LINC00237: variants seen among roughly 807,000 people sequenced by gnomAD.
LINC00237 encodes the protein long intergenic non-protein coding RNA 237.
chr20:21,103,897 G>T (rs370077746), intron 1 of LINC00237, among the ~76,000 whole-genome samples: 1 of 152,038 alleles, frequency 6.6e-6, no homozygotes, highest in East Asian at 1.9e-4. Context: ...TTTTCCTTTC[G>T]CAACTTTGGG....
intron 2 of LINC00237, among the ~76,000 whole-genome samples, chr20:21,089,324 AGTT>A (rs2030759576): frequency 6.6e-6 from 1 of 151,840 alleles, no homozygotes; most frequent in African/African-American, 2.4e-5. Context: ...GTTTCTCTCA[AGTT>A]GTGCTGATAT....
At chr20:21,089,464 G>T (rs146610121) in intron 2 of LINC00237, among the ~76,000 whole-genome samples, 4 of 152,058 alleles carry the variant, frequency 2.6e-5, no homozygotes, top group Admixed American at 2.0e-4. Context: ...AAAGCAAACC[G>T]ATGGTTATTC....
chr20:21,103,890 T>C (rs1300002916), intron 1 of LINC00237, among the ~76,000 whole-genome samples: 2 of 152,152 alleles, frequency 1.3e-5, no homozygotes, highest in Non-Finnish European at 2.9e-5. Context: ...TAACTGTTTT[T>C]CCTTTCGCAA....
At chr20:21,093,955 A>G (rs2030823484) in intron 1 of LINC00237, 1 of 152,238 alleles carries the variant, frequency 6.6e-6, no homozygotes, top group South Asian at 2.1e-4. Context: ...TCCAACAGGC[A>G]GTACTTGTAT....
At chr20:21,100,333 AAAT>A (rs2030914082) in intron 1 of LINC00237, among the ~76,000 whole-genome samples, 1 of 152,228 alleles carries the variant, frequency 6.6e-6, no homozygotes, top group South Asian at 2.1e-4. Context: ...CAGTAATGTC[AAAT>A]AAAACATTGG....
chr20:21,091,747 A>G (rs1488194557), intron 2 of LINC00237, among the ~76,000 whole-genome samples: 1 of 152,208 alleles, frequency 6.6e-6, no homozygotes, highest in African/African-American at 2.4e-5. Flanking sequence ...GTAGAGACAC[A>G]GATGCCAAGA....
intron 1 of LINC00237, among the ~76,000 whole-genome samples, chr20:21,105,593 T>A (rs2030988444): frequency 6.6e-6 from 1 of 152,178 alleles, no homozygotes; most frequent in Non-Finnish European, 1.5e-5. Flanking sequence ...GCGCTCACAC[T>A]TCTTCCAGGG....
chr20:21,094,041 A>G (rs1177750809), intron 1 of LINC00237, among the ~76,000 whole-genome samples: 1 of 152,190 alleles, frequency 6.6e-6, no homozygotes, highest in East Asian at 1.9e-4. Context: ...GGTATTTGGG[A>G]AGGGGAAGCC....
chr20:21,092,317 C>T (rs1289531361), intron 2 of LINC00237, among the ~76,000 whole-genome samples: 2 of 152,104 alleles, frequency 1.3e-5, no homozygotes, highest in Non-Finnish European at 2.9e-5. Context: ...TCGTATCTGA[C>T]GATCAAGTCT....
chr20:21,095,401 G>A (rs2030844450), intron 1 of LINC00237, among the ~76,000 whole-genome samples: 1 of 152,108 alleles, frequency 6.6e-6, no homozygotes, highest in Non-Finnish European at 1.5e-5. Flanking sequence ...CAATGGAATT[G>A]TGAAAAAAAA....
intron 1 of LINC00237, among the ~76,000 whole-genome samples, chr20:21,095,298 G>A (rs574953198): frequency 6.4e-4 from 98 of 152,256 alleles, no homozygotes; most frequent in African/African-American, 2.2e-3. Flanking sequence ...ACAGGCCCTG[G>A]GAGGTGAGAG....
intron 1 of LINC00237, among the ~76,000 whole-genome samples, chr20:21,100,838 T>C (rs752432407): frequency 6.6e-6 from 1 of 152,136 alleles, no homozygotes; most frequent in Non-Finnish European, 1.5e-5. Context: ...TCTTTCATCA[T>C]GTTTCTAACA....
intron 1 of LINC00237, among the ~76,000 whole-genome samples, chr20:21,102,696 G>GA (rs34351894): frequency 0.6 from 78,317 of 130,688 alleles, 22,445 homozygotes; most frequent in Middle Eastern, 0.72. Context: ...TATTTTATAA[G>GA]AAAAAAAAAA....
intron 1 of LINC00237, among the ~76,000 whole-genome samples, chr20:21,095,115 C>A (rs2030840092): frequency 6.6e-6 from 1 of 152,146 alleles, no homozygotes. Flanking sequence ...AATCTGGCTG[C>A]ACATTGTGGC....
intron 1 of LINC00237, among the ~76,000 whole-genome samples, chr20:21,098,757 G>C (rs962483881): frequency 1.3e-5 from 2 of 152,246 alleles, no homozygotes; most frequent in African/African-American, 4.8e-5. Flanking sequence ...TGTATAGACA[G>C]AGAGATAAAG....
Position 21,101,387 on chromosome 20 carries a change from G to C in LINC00237, n.88+4884C>G, listed in dbSNP as rs984633475. 1 of 152,250 alleles carries C rather than the reference G, an allele frequency of 6.6e-6. No individual in the cohort carries two copies. Among genetic ancestry groups the C allele is most frequent in the Non-Finnish European group, 1.5e-5 (1 of 68,082 alleles). The allele number at this position is 152,250 out of a possible 1,614,324, so 9.4% of individuals were successfully genotyped here. On this transcript the variant is annotated intron_variant and non_coding_transcript_variant, in intron 1 of 3. Coordinates refer to ENST00000691244, the Ensembl canonical transcript of LINC00237. The surrounding 1 kb of genome is among the most constrained non-coding windows in gnomAD (Gnocchi z 4.3). ...GCCAAACCGCGACCACCCTCACCTA[G>C]GGCTCCCGGGCGGACTCAAGACTTC...
chr20:21,086,713 A>G (rs1409100710), intron 3 of LINC00237, among the ~76,000 whole-genome samples: 15 of 13,236 alleles, frequency 1.1e-3, no homozygotes, highest in African/African-American at 3.0e-3. Flanking sequence ...CTATATATAC[A>G]TATATACTAT....
chr20:21,091,501 C>T (rs2030792222), intron 2 of LINC00237, among the ~76,000 whole-genome samples: 1 of 152,162 alleles, frequency 6.6e-6, no homozygotes, highest in African/African-American at 2.4e-5. Context: ...TTACTGACGC[C>T]ACTCTGCAAT....
chr20:21,105,352 C>T (rs972490089), intron 1 of LINC00237, among the ~76,000 whole-genome samples: 1 of 144,352 alleles, frequency 6.9e-6, no homozygotes, highest in Non-Finnish European at 1.5e-5. Context: ...CGAGGGCCTG[C>T]CCTCCTCGGG....
Sources: allele counts gnomAD v4.1 joint callset (sites outside exome capture counted in the v4.1 genomes callset), GRCh38; gene constraint gnomAD v4.1.1; non-coding constraint Gnocchi (gnomAD v3.1); transcripts MANE v1.5; gene names NCBI Gene and HGNC (gene_info 2026-07-23, HGNC 2026-07-21).